THOC5: variants seen among roughly 807,000 people sequenced by gnomAD.
THOC5 encodes THO complex subunit 5.
THOC5 carries 43 observed loss-of-function variants against 92.9 expected under a neutral mutation model. The ratio of observed to expected loss-of-function variants is 0.46; its 90% CI spans 0.36 to 0.60. The LOEUF (loss-of-function observed/expected upper bound fraction) is 0.60. Among genes scored for constraint, THOC5 ranks in the 20% least tolerant of loss-of-function variants. The probability of loss-of-function intolerance (pLI) is 0.00; values close to 1 mark genes in which losing one functional copy is unlikely to be tolerated. For missense variants in THOC5, 659 were observed against 849.4 expected (o/e 0.78, Z 2.79); for synonymous variants, 296 against 320.1 (o/e 0.92, Z 0.80).
At chr22:29,544,325 G>C in intron 3 of THOC5, 135 bp downstream of exon 3, 1 of 805,698 alleles carries the variant, frequency 1.2e-6, no homozygotes, top group Non-Finnish European at 1.8e-6. Context: ...CACAGGTTTT[G>C]GGAGCCCTCA....
Position 29,508,277 on chromosome 22 carries a change from C to T in THOC5, c.*180G>A, listed in dbSNP as rs917562768. On this transcript the variant is annotated 3_prime_UTR_variant, in exon 20 of 20. Transcript: ENST00000490103. ...ACACTGTGTCACAGCTCCCACCTGC[C>T]CTTCCAGACTGCAAAGCCACCTTGC... is the stretch of plus-strand genomic sequence containing the variant. The T allele has an allele frequency of 2.2e-4, 135 of 620,188 alleles. No homozygotes were observed. The highest frequency in any genetic ancestry group is 3.1e-4 in the Non-Finnish European group (110 of 350,214). 38.4% of individuals were successfully genotyped at this position (620,188 alleles called of 1,614,324 possible). A position where few individuals can be genotyped will look rare whatever the true frequency, so the allele number is the denominator to read the frequency against.
chr22:29,544,802 A>G (rs778833984), intron 2 of THOC5, among the ~76,000 whole-genome samples, 199 bp from the exon 3 acceptor site: 25 of 152,232 alleles, frequency 1.6e-4, no homozygotes, highest in Non-Finnish European at 3.5e-4. Context: ...CTGATTGCAG[A>G]GTAATGCATG....
intron 2 of THOC5, among the ~76,000 whole-genome samples, chr22:29,546,280 C>T (rs1483167071): frequency 6.6e-6 from 1 of 152,180 alleles, no homozygotes; most frequent in African/African-American, 2.4e-5. Context: ...AAGGGGCTGC[C>T]GTGAGGTCTC....
chr22:29,511,183 C>G lies in THOC5; in HGVS notation c.1911G>C (p.Leu637=). The change falls in exon 19 of 20, where the codon CTG becomes CTC. Residue 637 remains leucine, a synonymous_variant. Coordinates refer to ENST00000490103, the MANE Select transcript of THOC5 (RefSeq NM_003678.5). ...CACTGTCGTCATGGCTCTCGGTCTC[C>G]AGGTAAACATCCAGCAGCACACACA... is the stretch of plus-strand genomic sequence containing the variant. ...QRLCVLLDVY[L]ETESHDDSVE... 6.2e-7 allele frequency: 1 copy of G among 1,614,236 alleles called. No homozygotes were observed. Among genetic ancestry groups the G allele is most frequent in the East Asian group, 2.2e-5 (1 of 44,886 alleles).
At chr22:29,544,834 T>C (rs566932217) in intron 2 of THOC5, among the ~76,000 whole-genome samples, 72 of 152,212 alleles carry the variant, frequency 4.7e-4, no homozygotes, top group Non-Finnish European at 8.4e-4. Flanking sequence ...AGATTCAGAA[T>C]ATACAGAGGA....
chr22:29,540,263 C>T (rs2063853788), intron 5 of THOC5, among the ~76,000 whole-genome samples: 1 of 152,210 alleles, frequency 6.6e-6, no homozygotes, highest in Admixed American at 6.5e-5. Flanking sequence ...CAGAGCGAGA[C>T]TCCATCTCAA....
At chr22:29,519,636 T>TTA (rs1258375016) in intron 14 of THOC5, among the ~76,000 whole-genome samples, 1 of 148,466 alleles carries the variant, frequency 6.7e-6, no homozygotes, top group Non-Finnish European at 1.5e-5. Flanking sequence ...TGACAGGCCT[T>TTA]TTTTTTTTTT....
In THOC5 at chr22:29,528,065, A is replaced by T. The variant is rs1376906368; in HGVS notation, c.1066+13T>A. ...TGCTACAGATCCCTTAAACAAGGTG[A>T]GTGCAACCAGACCTTTGCACTTCAG... On this transcript the variant is annotated intron_variant, in intron 11 of 19. Coordinates refer to ENST00000490103, the MANE Select transcript of THOC5 (RefSeq NM_003678.5). The T allele has an allele frequency of 1.2e-6, 2 of 1,613,846 alleles. No homozygotes were observed. Among genetic ancestry groups the T allele is most frequent in the Non-Finnish European group, 1.7e-6 (2 of 1,179,818 alleles).
intron 17 of THOC5, among the ~76,000 whole-genome samples, chr22:29,512,535 A>T (rs958490732): frequency 6.6e-6 from 1 of 152,196 alleles, no homozygotes; most frequent in African/African-American, 2.4e-5. Context: ...ATCAACTATC[A>T]CATCAAATAT....
chr22:29,552,804 G>T (rs988808546), intron 1 of THOC5, among the ~76,000 whole-genome samples: 26 of 152,206 alleles, frequency 1.7e-4, no homozygotes, highest in Non-Finnish European at 3.5e-4. Context: ...AGAGAGGGGG[G>T]AAATGTGGGG....
Position 29,519,100 on chromosome 22 carries a change from G to C in THOC5, c.1395C>G (p.His465Gln). 1.2e-6 allele frequency: 2 copies of C among 1,611,346 alleles called. No homozygotes were observed. Among genetic ancestry groups the C allele is most frequent in the Non-Finnish European group, 1.7e-6 (2 of 1,178,742 alleles). Residue 465 changes from histidine (H) to glutamine (Q), a missense_variant, in exon 15 of 20, where the codon CAC (histidine) becomes CAG (glutamine). By Grantham distance (24) the His-to-Gln change is conservative (BLOSUM62 0). Transcript: ENST00000490103. Reference protein sequence around the residue: ...EQPQQTVIADHSLSASHMETT... With the variant: ...EQPQQTVIADQSLSASHMETT... Reference sequence around the variant, plus strand: ...TCTCCATGTGGCTGGCGCTCAGCGAGTGGTCAGCAATCACTGTTTGCTGTG... The same window carrying C: ...TCTCCATGTGGCTGGCGCTCAGCGACTGGTCAGCAATCACTGTTTGCTGTG...
intron 17 of THOC5, among the ~76,000 whole-genome samples, chr22:29,514,774 G>T (rs1423786606): frequency 6.7e-6 from 1 of 150,256 alleles, no homozygotes; most frequent in Non-Finnish European, 1.5e-5. Flanking sequence ...GCTCGATCTT[G>T]GCTCACTGCA....
chr22:29,542,066 T>G (rs777322534), intron 5 of THOC5, among the ~76,000 whole-genome samples: 2 of 151,634 alleles, frequency 1.3e-5, no homozygotes, highest in Non-Finnish European at 2.9e-5. Flanking sequence ...TTCTCATCTC[T>G]CAGCTTGGTT....
intron 17 of THOC5, among the ~76,000 whole-genome samples, chr22:29,516,478 C>A (rs890380301): frequency 2.6e-5 from 4 of 152,178 alleles, no homozygotes; most frequent in Non-Finnish European, 4.4e-5. Flanking sequence ...AGGCTTGCTG[C>A]GGCTTGGGTG....
intron 1 of THOC5, among the ~76,000 whole-genome samples, chr22:29,552,634 C>T (rs462403): frequency 4.7e-5 from 7 of 148,490 alleles, no homozygotes; most frequent in Non-Finnish European, 9.0e-5. Flanking sequence ...GGGGCGCCTC[C>T]GCCTGGCCGC....
Position 29,540,569 on chromosome 22 carries a change from C to T in THOC5, c.453-1093G>A, listed in dbSNP as rs145258825. On this transcript the variant is annotated intron_variant, in intron 5 of 19. Coordinates refer to ENST00000490103, the MANE Select transcript of THOC5 (RefSeq NM_003678.5). ...AAGGCCTATGCTCCTTCCATGTGGC[C>T]GTCTGCCTCCCAACAGGCGCAAGTT... Among the ~76,000 whole-genome samples the T allele has an allele frequency of 3.0e-3, 455 of 152,268 alleles. 3 individuals carry two copies. Among genetic ancestry groups the T allele is most frequent in the African/African-American group, 0.01 (434 of 41,536 alleles).
At chr22:29,527,188 G>A (rs1446847326) in intron 11 of THOC5, among the ~76,000 whole-genome samples, 5 of 152,154 alleles carry the variant, frequency 3.3e-5, no homozygotes, top group African/African-American at 1.2e-4. Context: ...AGGAGGCTGA[G>A]GCAGGAGGAT....
intron 6 of THOC5, among the ~76,000 whole-genome samples, chr22:29,538,671 C>A (rs1208691069): frequency 1.3e-5 from 2 of 151,706 alleles, no homozygotes; most frequent in Middle Eastern, 3.2e-3. Flanking sequence ...GTGGCAGGCA[C>A]CCATAGTCCT....
rs537303015 is a variant in THOC5, at chr22:29,551,044, T to C, written c.-11-1886A>G. Among the ~76,000 whole-genome samples the C allele has an allele frequency of 2.0e-5, 3 of 152,288 alleles. No homozygotes were observed. In the South Asian group the frequency reaches 6.2e-4, roughly 32 times the overall value. On this transcript the variant is annotated intron_variant, in intron 1 of 19. Coordinates refer to ENST00000490103, the MANE Select transcript of THOC5 (RefSeq NM_003678.5). ...AATGATCTAGTTGCATTATATTAAC[T>C]ATATTAATTTTTACCTTCTACATAA...
Sources: allele counts gnomAD v4.1 joint callset (sites outside exome capture counted in the v4.1 genomes callset), GRCh38; gene constraint gnomAD v4.1.1; transcripts MANE v1.5; gene names NCBI Gene and HGNC (gene_info 2026-07-23, HGNC 2026-07-21).